ILDR2: variants seen among roughly 807,000 people sequenced by gnomAD.
ILDR2 encodes immunoglobulin like domain containing receptor 2.
Under a neutral mutation model 66.8 loss-of-function variants are expected in ILDR2, and 25 were observed. The ratio of observed to expected loss-of-function variants is 0.37; its 90% CI spans 0.27 to 0.52. The LOEUF (loss-of-function observed/expected upper bound fraction) is 0.52. Among genes scored for constraint, ILDR2 ranks in the 20% least tolerant of loss-of-function variants. ILDR2 has a pLI of 0.88. For missense variants in ILDR2, 827 were observed against 876.8 expected (o/e 0.94, Z 0.72); for synonymous variants, 367 against 357.2 (o/e 1.03, Z -0.31).
At chr1:166,953,014 G>A (rs989910858) in intron 3 of ILDR2, among the ~76,000 whole-genome samples, 9 of 152,268 alleles carry the variant, frequency 5.9e-5, no homozygotes, top group Non-Finnish European at 1.3e-4. Context: ...ATTAGTATTA[G>A]TGCTAGATGT....
rs928399538 is a variant in ILDR2, at chr1:166,918,549, T to C, written c.*806A>G. On this transcript the variant is annotated 3_prime_UTR_variant, in exon 10 of 10. Transcript: ENST00000271417. ...GTGCAGAGGGAGGCAGGGCTGTGTG[T>C]GTGGCACCAACCTGTGGGAAGTCCA... is the stretch of plus-strand genomic sequence containing the variant. The C allele has an allele frequency of 6.6e-6, 1 of 152,226 alleles. No homozygotes were observed. The highest frequency in any genetic ancestry group is 1.5e-5 in the Non-Finnish European group (1 of 68,086). 9.4% of individuals were successfully genotyped at this position (152,226 alleles called of 1,614,324 possible).
rs1557931911 is a variant in ILDR2 at position 166,922,766 on chromosome 1, G to A, written c.1038C>T (p.Asp346=). The change falls in exon 8 of 10, where the codon GAC becomes GAT. Residue 346 remains aspartate (D), a synonymous_variant. Transcript: ENST00000271417. The part of the protein sequence containing the change: ...ISELSSLHEE[D]SNFRQSFHQM... ...GATGGAAAGACTGGCGGAAATTGCT[G>A]TCCTCCTCATGTAGGGAGCTGAGTT... 6.2e-7 allele frequency: 1 copy of A among 1,614,244 alleles called. No homozygotes were observed. Among genetic ancestry groups the A allele is most frequent in the Non-Finnish European group, 8.5e-7 (1 of 1,180,042 alleles).
chr1:166,922,983 T>C (rs562267639), intron 7 of ILDR2, among the ~76,000 whole-genome samples, 174 bp from the exon 8 acceptor site: 2 of 152,188 alleles, frequency 1.3e-5, no homozygotes, highest in Non-Finnish European at 2.9e-5. Flanking sequence ...TCAGCAGGCA[T>C]TGGCTCCAGT....
At chr1:166,961,588 C>G (rs898818320) in intron 1 of ILDR2, among the ~76,000 whole-genome samples, 2 of 152,194 alleles carry the variant, frequency 1.3e-5, no homozygotes, top group African/African-American at 4.8e-5. Context: ...AGTTTCCTCG[C>G]TGGCAAAACC....
At chr1:166,950,726 TACACACACACACAC>T (rs57212569) in intron 3 of ILDR2, among the ~76,000 whole-genome samples, 4 of 146,616 alleles carry the variant, frequency 2.7e-5, no homozygotes, top group Non-Finnish European at 6.0e-5. Flanking sequence ...TGATCTAAAA[TACACACACACACAC>T]ACACACACAC....
chr1:166,964,505 T>TA (rs1026750727), intron 1 of ILDR2, among the ~76,000 whole-genome samples: 1 of 152,158 alleles, frequency 6.6e-6, no homozygotes, highest in Non-Finnish European at 1.5e-5. Flanking sequence ...TAGGTGAAGC[T>TA]AAAAAATGTG....
At chr1:166,937,423 G>A (rs573643159) in intron 4 of ILDR2, among the ~76,000 whole-genome samples, 25 of 152,318 alleles carry the variant, frequency 1.6e-4, no homozygotes, top group Middle Eastern at 3.4e-3. Context: ...CACTGTCCCC[G>A]TGAACAGAGA....
chr1:166,936,827 AGAG>A lies in ILDR2; in HGVS notation c.557-93_557-91del. On this transcript the variant is annotated intron_variant, in intron 4 of 9. Transcript: ENST00000271417. This position sits in a 1 kb window ranked among gnomAD's most constrained non-coding sequence, Gnocchi z 5.0. ...ATTGGCATCTCCCGGTGAAAGGGGGAGAGGAGGAGGGACCTAGGGAAGAAAGCT... is the reference window on the plus strand; with the variant it reads ...ATTGGCATCTCCCGGTGAAAGGGGGAGAGGAGGGACCTAGGGAAGAAAGCT... 7.8e-7 allele frequency: 1 copy of A among 1,285,522 alleles called. No homozygotes were observed. Among genetic ancestry groups the A allele is most frequent in the Non-Finnish European group, 1.1e-6 (1 of 903,758 alleles). 79.6% of individuals were successfully genotyped at this position (1,285,522 alleles called of 1,614,324 possible).
chr1:166,945,232 A>G (rs1306963978), intron 3 of ILDR2, among the ~76,000 whole-genome samples: 6 of 152,192 alleles, frequency 3.9e-5, no homozygotes, highest in Non-Finnish European at 1.5e-5. Context: ...CCCAAATGCC[A>G]TCTTGCTATC....
In ILDR2 at chr1:166,956,733, C is replaced by T; in HGVS notation, c.499G>A (p.Gly167Ser). ...AATGTCACCTGTTGTTTTCACTTACCCAACACCAGCAGTTCCACTGAGTCC... is the reference window on the plus strand; with the variant it reads ...AATGTCACCTGTTGTTTTCACTTACTCAACACCAGCAGTTCCACTGAGTCC... ...NEDSVELLVL[G>S]RTGLLADLLP... The change falls in exon 3 of 10, where the codon GGC becomes AGC. Residue 167 changes from glycine (G) to serine (S), a missense_variant and splice_region_variant. Gly to Ser is a moderately conservative substitution (Grantham distance 56). Coordinates refer to ENST00000271417, the MANE Select transcript of ILDR2 (RefSeq NM_199351.3). The T allele has an allele frequency of 6.2e-7, 1 of 1,613,400 alleles. No individual in the cohort carries two copies. Among genetic ancestry groups the T allele is most frequent in the Non-Finnish European group, 8.5e-7 (1 of 1,179,714 alleles).
At position 166,913,187 on chromosome 1, in the gene ILDR2, G is replaced by T. The variant is rs571764661; in HGVS notation, c.*6168C>A. 6 of 152,226 alleles carry T rather than the reference G, an allele frequency of 3.9e-5. No homozygotes were observed. In the South Asian group the frequency reaches 6.2e-4, roughly 16 times the overall value. The allele number at this position is 152,226 out of a possible 1,614,324, so 9.4% of individuals were successfully genotyped here. On this transcript the variant is annotated 3_prime_UTR_variant, in exon 10 of 10. Coordinates refer to ENST00000271417, the MANE Select transcript of ILDR2 (RefSeq NM_199351.3). Reference sequence around the variant, plus strand: ...GATTAACCATAGTTGTGTTAATTATGAGTTCTTGGTAACAAATGTAGGTAA... The same window carrying T: ...GATTAACCATAGTTGTGTTAATTATTAGTTCTTGGTAACAAATGTAGGTAA...
At chr1:166,920,024 T>C (rs1659811129) in intron 9 of ILDR2, among the ~76,000 whole-genome samples, 1 of 152,100 alleles carries the variant, frequency 6.6e-6, no homozygotes, top group Admixed American at 6.5e-5. Context: ...AGGGCTCCCA[T>C]TTTGGGGCTG....
At chr1:166,947,591 G>A (rs1168337376) in intron 3 of ILDR2, among the ~76,000 whole-genome samples, 4 of 152,186 alleles carry the variant, frequency 2.6e-5, no homozygotes, top group Non-Finnish European at 5.9e-5. Flanking sequence ...GCTTTCAAGA[G>A]CTGCCATTCT....
At chr1:166,962,695 G>T (rs1416703196) in intron 1 of ILDR2, among the ~76,000 whole-genome samples, 2 of 152,004 alleles carry the variant, frequency 1.3e-5, no homozygotes, top group East Asian at 3.9e-4. Flanking sequence ...CTGAGCTGGG[G>T]TCCTACCTCT....
At chr1:166,896,266 T>G (rs1384335050) in intron 2 of ILDR2, among the ~76,000 whole-genome samples, 1 of 152,134 alleles carries the variant, frequency 6.6e-6, no homozygotes, top group Non-Finnish European at 1.5e-5. Flanking sequence ...ATGGTCTATT[T>G]GGAGGAAGAG....
chr1:166,912,486 G>GA lies in ILDR2; in HGVS notation c.*6868dup, dbSNP rs1287050756. ...AAAAACAAAAATATTTTATAAAGCT[G>GA]AAAAACCTAAATGGAATTAAAACAC... On this transcript the variant is annotated 3_prime_UTR_variant, in exon 10 of 10. Transcript: ENST00000271417. 3 of 152,122 alleles carry GA rather than the reference G, an allele frequency of 2.0e-5. No homozygotes were observed. The highest frequency in any genetic ancestry group is 7.2e-5 in the African/African-American group (3 of 41,448). The allele number at this position is 152,122 out of a possible 1,614,324, so 9.4% of individuals were successfully genotyped here.
At chr1:166,906,401 C>T (rs537729686), downstream of ILDR2, among the ~76,000 whole-genome samples, 13 of 152,286 alleles carry the variant, frequency 8.5e-5, no homozygotes, top group South Asian at 2.3e-3. Flanking sequence ...AAAGATGCAA[C>T]ATCCAAGCTG....
chr1:166,926,504 T>C (rs557974856), intron 7 of ILDR2, among the ~76,000 whole-genome samples: 17 of 152,124 alleles, frequency 1.1e-4, no homozygotes, highest in African/African-American at 4.1e-4. Context: ...CAGATTCACG[T>C]GCCAGACTTG....
intron 9 of ILDR2, 76 bp downstream of exon 9, chr1:166,920,631 G>A (rs992320141): frequency 2.3e-6 from 3 of 1,320,540 alleles, no homozygotes; most frequent in African/African-American, 3.1e-5. Context: ...CCGGCCCCCA[G>A]ACAGCGACAC....
Sources: gnomAD v4.1 joint callset for allele counts (sites outside exome capture counted in the v4.1 genomes callset) on GRCh38, gnomAD v4.1.1 for gene constraint, Gnocchi (gnomAD v3.1) non-coding constraint, MANE v1.5 for transcripts, NCBI Gene and HGNC (gene_info 2026-07-23, HGNC 2026-07-21) for gene names.